Variants in MECOM observed in about 807,000 individuals in gnomAD.
The protein encoded by MECOM is MDS1 and EVI1 complex locus, also known as histone-lysine N-methyltransferase MECOM.
In MECOM, 13 loss-of-function variants were observed where a neutral mutation model predicts 116.3. The ratio of observed to expected loss-of-function variants is 0.11; its 90% CI spans 0.07 to 0.18. MECOM has a LOEUF of 0.18. Ranked by LOEUF, MECOM falls within the 10% of genes least tolerant of loss-of-function variation. MECOM has a pLI of 1.00. For synonymous variants in MECOM, 528 were observed against 535.2 expected, an observed-to-expected ratio of 0.99 and a Z score of 0.19; for missense variants, 1,299 against 1,509.0, an observed-to-expected ratio of 0.86 and a Z score of 2.31.
At position 169,225,146 on chromosome 3, in the gene MECOM, A is replaced by T. The variant is rs1210278981; in HGVS notation, c.376-81314T>A. ...AATGAGTTTTATAGAGAATATATTT[A>T]GTATCATTATGTGAATTTTAGCATA... On this transcript the variant is annotated intron_variant, in intron 2 of 16. Coordinates refer to ENST00000651503, the MANE Select transcript of MECOM (RefSeq NM_004991.4). Among the ~76,000 whole-genome samples the T allele has an allele frequency of 3.9e-5, 6 of 152,228 alleles. No homozygotes were observed. In the East Asian group the frequency reaches 1.2e-3, roughly 29 times the overall value.
At chr3:169,433,901 G>GA (rs1235946647) in intron 1 of MECOM, among the ~76,000 whole-genome samples, 1 of 152,050 alleles carries the variant, frequency 6.6e-6, no homozygotes, top group Non-Finnish European at 1.5e-5. Flanking sequence ...CCTATCTAGA[G>GA]AAAAATCCTA....
chr3:169,166,043 A>T (rs537689703), intron 2 of MECOM, among the ~76,000 whole-genome samples: 1 of 152,240 alleles, frequency 6.6e-6, no homozygotes, highest in South Asian at 2.1e-4. Context: ...CCACCTCCCT[A>T]ACTGTAGGGA....
At chr3:169,618,741 C>T (rs1770326045) in intron 1 of MECOM, among the ~76,000 whole-genome samples, 1 of 152,110 alleles carries the variant, frequency 6.6e-6, no homozygotes, top group African/African-American at 2.4e-5. Flanking sequence ...CTTACACCCA[C>T]CTAAAAAAAT....
At chr3:169,126,884 GACAAAA>G (rs1421906608) in intron 5 of MECOM, among the ~76,000 whole-genome samples, 1 of 152,078 alleles carries the variant, frequency 6.6e-6, no homozygotes, top group Non-Finnish European at 1.5e-5. Context: ...GACTGTCAAA[GACAAAA>G]TCTGAGTAAT....
At chr3:169,237,980 G>C (rs1754303434) in intron 2 of MECOM, among the ~76,000 whole-genome samples, 1 of 151,898 alleles carries the variant, frequency 6.6e-6, no homozygotes, top group South Asian at 2.1e-4. Flanking sequence ...TTCAAGACCA[G>C]CCTGGCCAGC....
intron 1 of MECOM, among the ~76,000 whole-genome samples, chr3:169,565,341 A>G (rs952563776): frequency 6.6e-6 from 1 of 152,172 alleles, no homozygotes; most frequent in African/African-American, 2.4e-5. Context: ...GAGGGATAAC[A>G]AGGAGGGGTA....
intron 2 of MECOM, among the ~76,000 whole-genome samples, chr3:169,351,764 C>T (rs2149807394): frequency 6.6e-6 from 1 of 151,910 alleles, no homozygotes; most frequent in South Asian, 2.1e-4. Context: ...TACCACTACT[C>T]TTGTCCTAAT....
At chr3:169,300,551 TA>T (rs1716515085) in intron 2 of MECOM, among the ~76,000 whole-genome samples, 2 of 152,198 alleles carry the variant, frequency 1.3e-5, no homozygotes, top group Admixed American at 1.3e-4. Context: ...CCTGCTGATG[TA>T]AAAACAATGA....
Position 169,663,580 on chromosome 3 carries a change from C to T in MECOM, c.-208G>A, listed in dbSNP as rs924911904. Reference sequence around the variant, plus strand: ...TCTCTCTCTCTTCCACACACTCACTCTCTGTATTTTCTTCTTTCACTCTCT... The same window carrying T: ...TCTCTCTCTCTTCCACACACTCACTTTCTGTATTTTCTTCTTTCACTCTCT... On this transcript the variant is annotated 5_prime_UTR_variant, in exon 1 of 17. Coordinates refer to ENST00000651503, the MANE Select transcript of MECOM (RefSeq NM_004991.4). 10 of 600,382 alleles carry T rather than the reference C, an allele frequency of 1.7e-5. No homozygotes were observed. In the African/African-American group the frequency reaches 1.9e-4, roughly 11 times the overall value. The allele number at this position is 600,382 out of a possible 1,614,324, so 37.2% of individuals were successfully genotyped here.
intron 1 of MECOM, among the ~76,000 whole-genome samples, chr3:169,398,320 C>G (rs987772047): frequency 1.3e-5 from 2 of 151,996 alleles, no homozygotes; most frequent in Non-Finnish European, 2.9e-5. Context: ...TTTGGGGGCA[C>G]ATAAATAATA....
chr3:169,261,109 A>G lies in MECOM; in HGVS notation c.376-117277T>C, dbSNP rs185794713. Among the ~76,000 whole-genome samples the G allele has an allele frequency of 3.7e-3, 557 of 152,294 alleles. 3 individuals carry two copies. Among genetic ancestry groups the G allele is most frequent in the Non-Finnish European group, 5.9e-3 (398 of 68,014 alleles). ...TGCCTCTCAAGTTGTTTCTTTACAC[A>G]TAGTGTAAAAGTTAATAGCCTCTGT... is the stretch of plus-strand genomic sequence containing the variant. On this transcript the variant is annotated intron_variant, in intron 2 of 16. Transcript: ENST00000651503.
intron 1 of MECOM, among the ~76,000 whole-genome samples, chr3:169,406,867 A>C (rs1468572859): frequency 6.9e-6 from 1 of 145,470 alleles, no homozygotes; most frequent in Non-Finnish European, 1.5e-5. Context: ...TTTTTAATGG[A>C]GTCTCACTCT....
At chr3:169,472,795 T>G (rs1212653816) in intron 1 of MECOM, among the ~76,000 whole-genome samples, 9 of 151,988 alleles carry the variant, frequency 5.9e-5, no homozygotes, top group Non-Finnish European at 5.9e-5. Flanking sequence ...AGTGTTCATT[T>G]TTTCAAATTG....
chr3:169,494,067 A>G (rs966067565), intron 1 of MECOM, among the ~76,000 whole-genome samples: 3 of 152,118 alleles, frequency 2.0e-5, no homozygotes, highest in Non-Finnish European at 2.9e-5. Context: ...AGGGAAAATA[A>G]TTGTTATGAT....
chr3:169,598,744 A>G (rs756363527), intron 1 of MECOM, among the ~76,000 whole-genome samples: 1 of 152,196 alleles, frequency 6.6e-6, no homozygotes, highest in Non-Finnish European at 1.5e-5. Flanking sequence ...TTATCTGTTG[A>G]CGTTATTATC....
At chr3:169,507,147 T>C (rs1322213331) in intron 1 of MECOM, among the ~76,000 whole-genome samples, 2 of 152,226 alleles carry the variant, frequency 1.3e-5, no homozygotes, top group African/African-American at 2.4e-5. Context: ...GTGTTAGCAC[T>C]AGTCTTCCTG....
intron 2 of MECOM, among the ~76,000 whole-genome samples, chr3:169,347,660 C>T (rs1209639790): frequency 6.6e-6 from 1 of 151,834 alleles, no homozygotes; most frequent in Non-Finnish European, 1.5e-5. Flanking sequence ...TGAAATGACC[C>T]ATAACAAAAG....
chr3:169,242,400 T>G (rs939510425), intron 2 of MECOM, among the ~76,000 whole-genome samples: 7 of 152,110 alleles, frequency 4.6e-5, no homozygotes, highest in East Asian at 1.9e-4. Context: ...CCCCTTAGAC[T>G]CTACCCAAAC....
At chr3:169,131,278 A>G (rs1734599265) in intron 4 of MECOM, 151 bp downstream of exon 4, 2 of 687,698 alleles carry the variant, frequency 2.9e-6, no homozygotes, top group African/African-American at 3.6e-5. Flanking sequence ...TGTCAAACCA[A>G]GAAAATAGCT....
Sources: allele counts gnomAD v4.1 joint callset (sites outside exome capture counted in the v4.1 genomes callset), GRCh38; gene constraint gnomAD v4.1.1; transcripts MANE v1.5; gene names NCBI Gene and HGNC (gene_info 2026-07-23, HGNC 2026-07-21).